The following NUP133 variants were observed in gnomAD, a reference collection of about 807,000 sequenced individuals.
NUP133 encodes nucleoporin 133, also known as nuclear pore complex protein Nup133.
Under a neutral mutation model 146.2 loss-of-function variants are expected in NUP133, and 66 were observed. The ratio of observed to expected loss-of-function variants is 0.45; its 90% confidence interval spans 0.37 to 0.55. The LOEUF (loss-of-function observed/expected upper bound fraction) is 0.55. Ranked by LOEUF, NUP133 falls within the 20% of genes least tolerant of loss-of-function variation. The pLI, the probability that NUP133 is intolerant of heterozygous loss-of-function variation, is 0.00. For synonymous variants in NUP133, 521 were observed against 498.8 expected (o/e 1.04, Z -0.59); for missense variants, 1,277 against 1,374.8 (o/e 0.93, Z 1.12).
At position 229,486,542 on chromosome 1, in the gene NUP133, A is replaced by G. The variant is rs1661352247; in HGVS notation, c.1343-14T>C. On this transcript the variant is annotated splice_polypyrimidine_tract_variant and intron_variant, in intron 10 of 25. Coordinates refer to ENST00000261396, the MANE Select transcript of NUP133 (RefSeq NM_018230.3). ...AAACACTATCTCCTAAAAGAAAGGAAAACAGAGTCAAATACATCTAACAAT... is the reference window on the plus strand; with the variant it reads ...AAACACTATCTCCTAAAAGAAAGGAGAACAGAGTCAAATACATCTAACAAT... The G allele has an allele frequency of 1.9e-6, 3 of 1,597,774 alleles. No homozygotes were observed. Among genetic ancestry groups the G allele is most frequent in the Non-Finnish European group, 2.6e-6 (3 of 1,175,306 alleles).
At position 229,487,555 on chromosome 1, in the gene NUP133, T is replaced by A; in HGVS notation, c.1253A>T (p.Tyr418Phe). The A allele has an allele frequency of 1.9e-6, 3 of 1,613,428 alleles. No homozygotes were observed. Among genetic ancestry groups the A allele is most frequent in the Non-Finnish European group, 2.5e-6 (3 of 1,179,576 alleles). Residue 418 changes from tyrosine to phenylalanine, a missense_variant, in exon 10 of 26, where the codon TAT becomes TTT. By Grantham distance (22) the Tyr-to-Phe change is conservative. Coordinates refer to ENST00000261396, the MANE Select transcript of NUP133 (RefSeq NM_018230.3). ...TVPNFSNQTAYLYNESAVYVC... is the reference protein window; with the variant it reads ...TVPNFSNQTAFLYNESAVYVC... Reference sequence around the variant, plus strand: ...ATAGACAGCACTTTCGTTATACAGATAGGCAGTCTGGTTTGAAAAGTTTGG... The same window carrying A: ...ATAGACAGCACTTTCGTTATACAGAAAGGCAGTCTGGTTTGAAAAGTTTGG...
chr1:229,458,130 T>C (rs1480615554), intron 21 of NUP133, 31 bp downstream of exon 21: 1 of 1,599,468 alleles, frequency 6.3e-7, no homozygotes, highest in Admixed American at 1.7e-5. Context: ...GCATGACCAA[T>C]TTGTAAATCC....
intron 9 of NUP133, 36 bp downstream of exon 9, chr1:229,489,919 A>G (rs770087346): frequency 1.2e-5 from 18 of 1,507,254 alleles, no homozygotes; most frequent in Non-Finnish European, 1.6e-5. Context: ...TACTCAACAT[A>G]TTATTGCTTT....
chr1:229,495,263 T>C (rs777253252), intron 8 of NUP133, among the ~76,000 whole-genome samples: 3 of 152,094 alleles, frequency 2.0e-5, no homozygotes, highest in Non-Finnish European at 2.9e-5. Context: ...TGGTGGCGCA[T>C]GCTTGCAGTA....
intron 20 of NUP133, among the ~76,000 whole-genome samples, chr1:229,460,000 T>C (rs546414609): frequency 1.3e-5 from 2 of 152,214 alleles, no homozygotes; most frequent in African/African-American, 4.8e-5. Context: ...GGGTTCCCTT[T>C]TCTCCATGTC....
At chr1:229,495,802 T>A (rs1398002718) in intron 7 of NUP133, 90 bp downstream of exon 7, 17 of 1,145,180 alleles carry the variant, frequency 1.5e-5, no homozygotes, top group Non-Finnish European at 2.0e-5. Flanking sequence ...TACACTGAAA[T>A]GTGTTGAAAT....
At position 229,508,052 on chromosome 1, in the gene NUP133, C is replaced by T; in HGVS notation, c.182+16G>A. 6.8e-7 allele frequency: 1 copy of T among 1,474,190 alleles called. No homozygotes were observed. The highest frequency in any genetic ancestry group is 9.0e-7 in the Non-Finnish European group (1 of 1,109,296). 91.3% of individuals were successfully genotyped at this position (1,474,190 alleles called of 1,614,324 possible). On this transcript the variant is annotated intron_variant, in intron 1 of 25. Transcript: ENST00000261396. Reference sequence around the variant, plus strand: ...GAGGCTGTTGGTTGCCAGACCCAACCAGGGAGATCACTTACCGCGAGCTTA... The same window carrying T: ...GAGGCTGTTGGTTGCCAGACCCAACTAGGGAGATCACTTACCGCGAGCTTA...
At chr1:229,453,971 G>T (rs1182823578) in intron 21 of NUP133, among the ~76,000 whole-genome samples, 1 of 151,788 alleles carries the variant, frequency 6.6e-6, no homozygotes, top group Non-Finnish European at 1.5e-5. Context: ...GTATATCTAT[G>T]AGTGTTTTCA....
intron 21 of NUP133, among the ~76,000 whole-genome samples, chr1:229,453,029 T>C (rs1372858786): frequency 2.6e-5 from 4 of 152,154 alleles, no homozygotes; most frequent in South Asian, 2.1e-4. Context: ...CTAGAATTTA[T>C]AGTATATAGT....
intron 8 of NUP133, among the ~76,000 whole-genome samples, chr1:229,494,973 A>G (rs754758552): frequency 1.8e-4 from 28 of 152,218 alleles, no homozygotes; most frequent in Non-Finnish European, 3.4e-4. Flanking sequence ...ATGAGACACG[A>G]AGGTAAGAAT....
In NUP133 at chr1:229,441,068, G is replaced by A. The variant is rs1660172228; in HGVS notation, c.*836C>T. On this transcript the variant is annotated 3_prime_UTR_variant, in exon 26 of 26. Transcript: ENST00000261396. ...ATGACACTGGTCAGGACAAAGCTCT[G>A]AGAGTACAGTACCTTTCAGTCACAT... The A allele has an allele frequency of 4.8e-6, 1 of 207,382 alleles. No individual in the cohort carries two copies. The highest frequency in any genetic ancestry group is 1.0e-5 in the Non-Finnish European group (1 of 100,096). 12.8% of individuals were successfully genotyped at this position (207,382 alleles called of 1,614,324 possible). A position where few individuals can be genotyped will look rare whatever the true frequency, so the allele number is the denominator to read the frequency against.
At chr1:229,492,639 T>G (rs1439179749) in intron 8 of NUP133, among the ~76,000 whole-genome samples, 1 of 151,996 alleles carries the variant, frequency 6.6e-6, no homozygotes, top group African/African-American at 2.4e-5. Flanking sequence ...TTGGTCCACG[T>G]TATTCTAAGT....
At position 229,499,751 on chromosome 1, in the gene NUP133, T is replaced by A; in HGVS notation, c.581A>T (p.Asp194Val). 6.2e-7 allele frequency: 1 copy of A among 1,614,126 alleles called. No individual in the cohort carries two copies. Among genetic ancestry groups the A allele is most frequent in the Non-Finnish European group, 8.5e-7 (1 of 1,179,974 alleles). ...IRYWPSLAGE[D>V]TYTEAFVDSG... ...ATCTACAAAAGCCTCTGTGTAGGTA[T>A]CTTCACCAGCAAGGCTTGGCCAATA... The change falls in exon 5 of 26, where the codon GAT (aspartate) becomes GTT (valine). Residue 194 changes from aspartate to valine, a missense_variant. By Grantham distance (152) the Asp-to-Val change is radical (BLOSUM62 -3). This residue lies in a region of NUP133 where 319 missense variants were observed against 306.9 expected (regional missense o/e 1.04). Transcript: ENST00000261396.
chr1:229,471,323 G>C (rs1660950035), intron 14 of NUP133, among the ~76,000 whole-genome samples: 1 of 152,064 alleles, frequency 6.6e-6, no homozygotes, highest in Non-Finnish European at 1.5e-5. Context: ...TGCCCAGGCT[G>C]ATCTTGGCCA....
chr1:229,450,008 G>T (rs1660411846), intron 23 of NUP133, among the ~76,000 whole-genome samples: 2 of 149,292 alleles, frequency 1.3e-5, no homozygotes, highest in African/African-American at 4.9e-5. Context: ...CTCCCAAGTA[G>T]CTGGGATTAC....
At chr1:229,461,545 G>A (rs1348599801) in intron 19 of NUP133, among the ~76,000 whole-genome samples, 1 of 152,072 alleles carries the variant, frequency 6.6e-6, no homozygotes, top group Admixed American at 6.5e-5. Context: ...CAGAGAAAAA[G>A]GAAAATCCAC....
chr1:229,466,324 C>A (rs986440102), intron 16 of NUP133, among the ~76,000 whole-genome samples: 6 of 119,042 alleles, frequency 5.0e-5, no homozygotes, highest in African/African-American at 2.1e-4. Flanking sequence ...GACAGTGAGA[C>A]CTTCTCTCAG....
At position 229,498,313 on chromosome 1, in the gene NUP133, A is replaced by G. The variant is rs373651738; in HGVS notation, c.649-7T>C. 466 of 1,566,068 alleles carry G rather than the reference A, an allele frequency of 3.0e-4. 2 individuals are homozygous for G. The Admixed American group carries it at 7.4e-3, about 25-fold the overall frequency. On this transcript the variant is annotated splice_polypyrimidine_tract_variant and splice_region_variant and intron_variant, in intron 5 of 25. Transcript: ENST00000261396. ...ACAAAATAAAACTTCCTCCCTGTGA[A>G]AAAACATTATGAGGTTAGTTCAGTT...
intron 2 of NUP133, among the ~76,000 whole-genome samples, chr1:229,503,476 C>T (rs754065350): frequency 3.3e-5 from 5 of 152,124 alleles, no homozygotes; most frequent in African/African-American, 7.2e-5. Flanking sequence ...CAAAGAGTTA[C>T]GTTCTCTATT....
Sources: allele counts gnomAD v4.1 joint callset (sites outside exome capture counted in the v4.1 genomes callset), GRCh38; gene constraint gnomAD v4.1.1; regional missense constraint gnomAD v4.1.1; transcripts MANE v1.5; gene names NCBI Gene and HGNC (gene_info 2026-07-23, HGNC 2026-07-21).